Variants in LIG4 observed in about 807,000 individuals in gnomAD.
LIG4 encodes DNA joinase.
LIG4 carries 13 observed loss-of-function variants against 19.0 expected under a neutral mutation model. That is an observed-to-expected ratio of 0.68 (90% CI 0.44 to 1.09). The LOEUF is 1.09. Ranked by LOEUF, LIG4 falls within the 50% of genes least tolerant of loss-of-function variation. The pLI is 0.00. For missense variants in LIG4, 1,026 were observed against 1,089.7 expected, an observed-to-expected ratio of 0.94 and a Z score of 0.82; for synonymous variants, 361 against 358.2, an observed-to-expected ratio of 1.01 and a Z score of -0.09.
At position 108,211,077 on chromosome 13, in the gene LIG4, A is replaced by G. The variant is rs888360619; in HGVS notation, c.192T>C (p.Phe64=). The G allele has an allele frequency of 6.2e-7, 1 of 1,606,122 alleles. No individual in the cohort carries two copies. Among genetic ancestry groups the G allele is most frequent in the Admixed American group, 1.7e-5 (1 of 59,074 alleles). The change falls in exon 3 of 3, where the codon TTT becomes TTC. Residue 64 remains phenylalanine, a synonymous_variant. Coordinates refer to ENST00000442234, the MANE Select transcript of LIG4 (RefSeq NM_206937.2). ...HKNHKDVTDS[F]YPAMRLILPQ... is the part of the protein sequence containing the mutation. ...GAAGAATTAGTCTCATTGCTGGATAAAAAGAGTCTGTGACATCTTTGTGGT... is the reference window on the plus strand; with the variant it reads ...GAAGAATTAGTCTCATTGCTGGATAGAAAGAGTCTGTGACATCTTTGTGGT...
Position 108,208,286 on chromosome 13 carries a change from C to G in LIG4, c.*247G>C, listed in dbSNP as rs1878130553. On this transcript the variant is annotated 3_prime_UTR_variant, in exon 3 of 3. Transcript: ENST00000442234. ...ATTATAAAAACACCTCTTCTTTAGA[C>G]TGTTTATTTCACCTTGATCATAAAA... is the stretch of plus-strand genomic sequence containing the variant. The G allele has an allele frequency of 7.7e-6, 3 of 390,018 alleles. No individual in the cohort carries two copies. 24.2% of individuals were successfully genotyped at this position (390,018 alleles called of 1,614,324 possible).
In LIG4 at chr13:108,208,269, AAC is replaced by A. The variant is rs1878128500; in HGVS notation, c.*262_*263del. Reference sequence around the variant, plus strand: ...TAGATTTCTATATGGATATTATAAAAACACCTCTTCTTTAGACTGTTTATTTC... The same window carrying A: ...TAGATTTCTATATGGATATTATAAAAACCTCTTCTTTAGACTGTTTATTTC... On this transcript the variant is annotated 3_prime_UTR_variant, in exon 3 of 3. Coordinates refer to ENST00000442234, the MANE Select transcript of LIG4 (RefSeq NM_206937.2). 3.3e-6 allele frequency: 1 copy of A among 305,002 alleles called. No homozygotes were observed. Among genetic ancestry groups the A allele is most frequent in the South Asian group, 4.7e-5 (1 of 21,394 alleles). The allele number at this position is 305,002 out of a possible 1,614,324, so 18.9% of individuals were successfully genotyped here.
At chr13:108,214,190 G>T (rs3093744) in intron 2 of LIG4, among the ~76,000 whole-genome samples, 4,618 of 152,186 alleles carry the variant, frequency 0.03, 243 homozygotes, top group African/African-American at 0.11. Flanking sequence ...AGTAAGTGAC[G>T]AATGCAACTG....
rs78405881 is a variant in LIG4 at position 108,214,521 on chromosome 13, G to A, written c.-29+17C>T. ...CCCCTACTCTCCCCCAACCCTTCACGGATTCCCAGTGAATACCTGGCCTCG... is the reference window on the plus strand; with the variant it reads ...CCCCTACTCTCCCCCAACCCTTCACAGATTCCCAGTGAATACCTGGCCTCG... On this transcript the variant is annotated intron_variant, in intron 2 of 2. Coordinates refer to ENST00000442234, the MANE Select transcript of LIG4 (RefSeq NM_206937.2). 2.0e-5 allele frequency: 3 copies of A among 151,648 alleles called. No homozygotes were observed. Among genetic ancestry groups the A allele is most frequent in the East Asian group, 2.0e-4 (1 of 5,126 alleles). 9.4% of individuals were successfully genotyped at this position (151,648 alleles called of 1,614,324 possible). A position where few individuals can be genotyped will look rare whatever the true frequency, so the allele number is the denominator to read the frequency against.
intron 2 of LIG4, among the ~76,000 whole-genome samples, chr13:108,213,053 G>A (rs942608659): frequency 6.6e-6 from 1 of 152,186 alleles, no homozygotes; most frequent in African/African-American, 2.4e-5. Flanking sequence ...GCACTTCTCA[G>A]TCTAATTTCT....
Position 108,208,324 on chromosome 13 carries a change from C to T in LIG4, c.*209G>A. The T allele has an allele frequency of 2.0e-6, 1 of 494,462 alleles. No individual in the cohort carries two copies. Among genetic ancestry groups the T allele is most frequent in the Non-Finnish European group, 3.6e-6 (1 of 278,900 alleles). The allele number at this position is 494,462 out of a possible 1,614,324, so 30.6% of individuals were successfully genotyped here. A position where few individuals can be genotyped will look rare whatever the true frequency, so the allele number is the denominator to read the frequency against. On this transcript the variant is annotated 3_prime_UTR_variant, in exon 3 of 3. Transcript: ENST00000442234. ...CTTGATCATAAAAAATCATTGAATA[C>T]TACATTCAAGATAATTTTTCTTTCT... is the stretch of plus-strand genomic sequence containing the variant.
In LIG4 at chr13:108,209,498, G is replaced by A; in HGVS notation, c.1771C>T (p.His591Tyr). 1 of 1,614,078 alleles carries A rather than the reference G, an allele frequency of 6.2e-7. No individual in the cohort carries two copies. Residue 591 changes from histidine to tyrosine, a missense_variant, in exon 3 of 3, where the codon CAT becomes TAT. Coordinates refer to ENST00000442234, the MANE Select transcript of LIG4 (RefSeq NM_206937.2). ...IEKIRDDKEW[H>Y]ECMTLDDLEQ... ...AGGTCGTCCAGGGTCATGCACTCAT[G>A]CCACTCCTTGTCATCTCTTATCTTT...
At position 108,210,348 on chromosome 13, in the gene LIG4, A is replaced by C. The variant is rs754560008; in HGVS notation, c.921T>G (p.Thr307=). 6.2e-7 allele frequency: 1 copy of C among 1,613,992 alleles called. No individual in the cohort carries two copies. The highest frequency in any genetic ancestry group is 8.5e-7 in the Non-Finnish European group (1 of 1,179,918). Residue 307 remains threonine (T), a synonymous_variant, in exon 3 of 3, where the codon ACT becomes ACG. Coordinates refer to ENST00000442234, the MANE Select transcript of LIG4 (RefSeq NM_206937.2). ...GAATGAATGGGGTAAGAGAACCTTC[A>C]GTAGGAGAAGCACCAAACTGATCAG... ...NYTDQFGASP[T]EGSLTPFIHN... is the part of the protein sequence containing the mutation.
chr13:108,212,847 G>C (rs988260581), intron 2 of LIG4, among the ~76,000 whole-genome samples: 4 of 151,982 alleles, frequency 2.6e-5, no homozygotes, highest in Admixed American at 2.6e-4. Flanking sequence ...TTTGCTGAAT[G>C]AATTACTGAA....
Position 108,208,597 on chromosome 13 carries a change from T to C in LIG4, c.2672A>G (p.Glu891Gly), listed in dbSNP as rs1429985847. The C allele has an allele frequency of 1.2e-6, 2 of 1,613,310 alleles. No individual in the cohort carries two copies. The highest frequency in any genetic ancestry group is 1.7e-6 in the Non-Finnish European group (2 of 1,179,556). ...GTCTATTGAATCAGTTACCCAACTTTCTTTTAGGATTTTAAACTTTCTCTT... is the reference window on the plus strand; with the variant it reads ...GTCTATTGAATCAGTTACCCAACTTCCTTTTAGGATTTTAAACTTTCTCTT... ...TFKRKFKILKESWVTDSIDKC... is the reference protein window; with the variant it reads ...TFKRKFKILKGSWVTDSIDKC... Residue 891 changes from glutamate to glycine, a missense_variant, in exon 3 of 3, where the codon GAA (glutamate) becomes GGA (glycine). Around this residue, in one of 3 missense-constraint regions of LIG4, gnomAD observed 521 missense variants for 515.5 expected, o/e 1.01. Coordinates refer to ENST00000442234, the MANE Select transcript of LIG4 (RefSeq NM_206937.2).
At position 108,209,360 on chromosome 13, in the gene LIG4, CT is replaced by C; in HGVS notation, c.1908del (p.Val637LeufsTer8). ...KKRKAAPKMKKVIGIIEHLKA... is the reference protein window; with the variant it reads ...KKRKAAPKMKXVIGIIEHLKA... The stretch of plus-strand genomic sequence containing the variant: ...TTTAAGTGCTCAATAATTCCAATAA[CT>C]TTCTTCATCTTTGGGGCAGCTTTCC... On this transcript the variant is annotated frameshift_variant, in exon 3 of 3. Transcript: ENST00000442234. LOFTEE classifies it low-confidence loss of function (END_TRUNC). 6.2e-7 allele frequency: 1 copy of C among 1,614,090 alleles called. No individual in the cohort carries two copies. The highest frequency in any genetic ancestry group is 8.5e-7 in the Non-Finnish European group (1 of 1,180,006).
chr13:108,213,273 G>C (rs1408457584), intron 2 of LIG4, among the ~76,000 whole-genome samples: 1 of 152,148 alleles, frequency 6.6e-6, no homozygotes, highest in Non-Finnish European at 1.5e-5. Context: ...GGTACACAAT[G>C]CTATATCTAC....
At chr13:108,212,967 T>C (rs1018248725) in intron 2 of LIG4, among the ~76,000 whole-genome samples, 13 of 152,024 alleles carry the variant, frequency 8.6e-5, no homozygotes, top group African/African-American at 3.1e-4. Flanking sequence ...TCAGTTTGGT[T>C]AAAAATATTC....
At position 108,209,134 on chromosome 13, in the gene LIG4, A is replaced by G; in HGVS notation, c.2135T>C (p.Ile712Thr). 1 of 1,614,138 alleles carries G rather than the reference A, an allele frequency of 6.2e-7. No individual in the cohort carries two copies. Among genetic ancestry groups the G allele is most frequent in the Non-Finnish European group, 8.5e-7 (1 of 1,180,000 alleles). The change falls in exon 3 of 3, where the codon ATA (isoleucine) becomes ACA (threonine). Residue 712 changes from isoleucine (I) to threonine (T), a missense_variant. Ile to Thr is a moderately conservative substitution (Grantham distance 89). This residue lies in a region of LIG4 where 521 missense variants were observed against 515.5 expected (regional missense o/e 1.01). Coordinates refer to ENST00000442234, the MANE Select transcript of LIG4 (RefSeq NM_206937.2). ...AGSENIRVKNIILSNKHDVVK... is the reference protein window; with the variant it reads ...AGSENIRVKNTILSNKHDVVK... ...AACATCATGTTTATTTGACAAAATT[A>G]TGTTTTTCACTCTGATGTTCTCAGA...
At chr13:108,218,103 T>C (rs948646537), upstream of LIG4, 4 of 152,246 alleles carry the variant, frequency 2.6e-5, no homozygotes, top group Non-Finnish European at 2.9e-5. Flanking sequence ...CTTTAAATCG[T>C]GGACCTCATT....
Position 108,209,319 on chromosome 13 carries a change from A to T in LIG4, c.1950T>A (p.Thr650=). The T allele has an allele frequency of 6.2e-7, 1 of 1,614,082 alleles. No homozygotes were observed. Among genetic ancestry groups the T allele is most frequent in the Non-Finnish European group, 8.5e-7 (1 of 1,179,974 alleles). Residue 650 remains threonine (T), a synonymous_variant, in exon 3 of 3, where the codon ACT becomes ACA. Coordinates refer to ENST00000442234, the MANE Select transcript of LIG4 (RefSeq NM_206937.2). Reference sequence around the variant, plus strand: ...ATATATTAGAAATTTTGTTAACGTTAGTAAGGTTAGGTGCTTTTAAGTGCT... The same window carrying T: ...ATATATTAGAAATTTTGTTAACGTTTGTAAGGTTAGGTGCTTTTAAGTGCT... The part of the protein sequence containing the change: ...IIEHLKAPNL[T]NVNKISNIFE...
chr13:108,216,692 A>G (rs565345256), upstream of LIG4, among the ~76,000 whole-genome samples: 1 of 152,322 alleles, frequency 6.6e-6, no homozygotes, highest in East Asian at 1.9e-4. Context: ...AAGGTAGAGG[A>G]GCCTCCACTT....
At chr13:108,217,965 C>G (rs151222214), upstream of LIG4, among the ~76,000 whole-genome samples, 373 of 152,216 alleles carry the variant, frequency 2.5e-3, 1 homozygote, top group Non-Finnish European at 4.1e-3. Flanking sequence ...AAAAATAAGA[C>G]AATTTTACAT....
Position 108,210,261 on chromosome 13 carries a change from A to G in LIG4, c.1008T>C (p.Asn336=). Residue 336 remains asparagine, a synonymous_variant, in exon 3 of 3, where the codon AAT becomes AAC. Transcript: ENST00000442234. ...TTTGCATGAAAGTTTGTGTATTAGG[A>G]TTATAGGCCATCATCTCACCATCAA... The part of the protein sequence containing the change: ...CILDGEMMAY[N]PNTQTFMQKG... The G allele has an allele frequency of 3.7e-6, 6 of 1,613,890 alleles. No homozygotes were observed. Among genetic ancestry groups the G allele is most frequent in the Non-Finnish European group, 5.1e-6 (6 of 1,179,892 alleles).
Sources: gnomAD v4.1 joint callset for allele counts (sites outside exome capture counted in the v4.1 genomes callset) on GRCh38, gnomAD v4.1.1 for gene constraint, gnomAD v4.1.1 regional missense constraint, MANE v1.5 for transcripts, NCBI Gene and HGNC (gene_info 2026-07-23, HGNC 2026-07-21) for gene names.